ETNK1: variants seen among roughly 807,000 people sequenced by gnomAD.
ETNK1 encodes the protein putative protein product of Nbla10396.
ETNK1 carries 8 observed loss-of-function variants against 45.1 expected under a neutral mutation model. The ratio of observed to expected loss-of-function variants is 0.18; its 90% CI spans 0.10 to 0.32. The LOEUF is 0.32. Ranked by LOEUF, ETNK1 falls within the 10% of genes least tolerant of loss-of-function variation. The pLI is 1.00. For missense variants in ETNK1, 302 were observed against 430.6 expected, an observed-to-expected ratio of 0.70 and a Z score of 2.64; for synonymous variants, 152 against 151.9, an observed-to-expected ratio of 1.00 and a Z score of -0.01.
At chr12:22,669,326 TA>T (rs1236741500) in intron 4 of ETNK1, among the ~76,000 whole-genome samples, 9 of 130,952 alleles carry the variant, frequency 6.9e-5, no homozygotes, top group African/African-American at 2.2e-4. Flanking sequence ...AATTTTAAAA[TA>T]AAAAAATAAA....
Position 22,690,483 on chromosome 12 carries a change from A to G in ETNK1, c.*5529A>G, listed in dbSNP as rs970792737. The G allele has an allele frequency of 2.0e-5, 3 of 152,570 alleles. No homozygotes were observed. The highest frequency in any genetic ancestry group is 6.5e-5 in the Admixed American group (1 of 15,272). 9.5% of individuals were successfully genotyped at this position (152,570 alleles called of 1,614,324 possible). Reference sequence around the variant, plus strand: ...GGTTAAGTAAAAATACATTTTCACTATGTGTTCATAAACTTTTAATGAAGC... The same window carrying G: ...GGTTAAGTAAAAATACATTTTCACTGTGTGTTCATAAACTTTTAATGAAGC... On this transcript the variant is annotated 3_prime_UTR_variant, in exon 8 of 8. Transcript: ENST00000266517.
intron 6 of ETNK1, among the ~76,000 whole-genome samples, chr12:22,683,926 A>G (rs1162068922): frequency 6.6e-6 from 1 of 152,060 alleles, no homozygotes; most frequent in Non-Finnish European, 1.5e-5. Context: ...TTACATGCTA[A>G]TTTCCCTGTA....
chr12:22,627,876 A>T (rs892110045), intron 1 of ETNK1, among the ~76,000 whole-genome samples: 3 of 152,118 alleles, frequency 2.0e-5, no homozygotes, highest in Non-Finnish European at 4.4e-5. Flanking sequence ...TATCCAGAGC[A>T]TATCAGAAAA....
At chr12:22,659,530 CTG>C (rs1040934552) in intron 3 of ETNK1, among the ~76,000 whole-genome samples, 9 of 152,168 alleles carry the variant, frequency 5.9e-5, no homozygotes, top group African/African-American at 2.2e-4. Flanking sequence ...TGGAGCCAAA[CTG>C]AGATTAAATC....
chr12:22,677,574 G>A (rs141526719), intron 6 of ETNK1, among the ~76,000 whole-genome samples: 2,878 of 152,274 alleles, frequency 0.019, 81 homozygotes, highest in Non-Finnish European at 0.02. Context: ...GATGGGAATA[G>A]CATTGAATCT....
intron 1 of ETNK1, 178 bp downstream of exon 1, chr12:22,625,764 C>T (rs527440406): frequency 1.0e-5 from 10 of 954,268 alleles, no homozygotes; most frequent in African/African-American, 8.1e-5. Context: ...TCCCCCTTCC[C>T]GTCGCAGTTG....
chr12:22,636,367 A>C (rs1953655486), intron 1 of ETNK1, among the ~76,000 whole-genome samples: 1 of 152,168 alleles, frequency 6.6e-6, no homozygotes, highest in African/African-American at 2.4e-5. Flanking sequence ...GGTGTGCTCA[A>C]ATTTCCAACA....
chr12:22,654,460 A>C (rs12322145), intron 2 of ETNK1, among the ~76,000 whole-genome samples: 7,083 of 152,248 alleles, frequency 0.047, 536 homozygotes, highest in African/African-American at 0.16. Flanking sequence ...AGTACATGAG[A>C]TTATTAAAAA....
intron 6 of ETNK1, among the ~76,000 whole-genome samples, chr12:22,679,268 G>GT (rs1362185611): frequency 6.6e-6 from 1 of 152,190 alleles, no homozygotes; most frequent in Non-Finnish European, 1.5e-5. Flanking sequence ...AACCACTGGC[G>GT]TTTAAGTCCA....
intron 2 of ETNK1, chr12:22,656,632 G>A: frequency 3.0e-6 from 3 of 985,304 alleles, no homozygotes; most frequent in Non-Finnish European, 3.6e-6. Flanking sequence ...ATCCAGCATG[G>A]AGCAGACGAG....
Position 22,685,017 on chromosome 12 carries a change from C to A in ETNK1, c.*63C>A. On this transcript the variant is annotated 3_prime_UTR_variant, in exon 8 of 8. Transcript: ENST00000266517. ...CTTGTGAATCTTTTCTTAAGAAATCCCAAAAAGCCAATATTAGTTAAAATT... is the reference window on the plus strand; with the variant it reads ...CTTGTGAATCTTTTCTTAAGAAATCACAAAAAGCCAATATTAGTTAAAATT... The A allele has an allele frequency of 8.3e-7, 1 of 1,207,190 alleles. No homozygotes were observed. The highest frequency in any genetic ancestry group is 1.2e-6 in the Non-Finnish European group (1 of 849,806). The allele number at this position is 1,207,190 out of a possible 1,614,324, so 74.8% of individuals were successfully genotyped here.
intron 4 of ETNK1, among the ~76,000 whole-genome samples, chr12:22,662,242 A>ATTTT (rs774396641): frequency 1.4e-5 from 1 of 73,412 alleles, no homozygotes; most frequent in Non-Finnish European, 2.8e-5. Flanking sequence ...TAATTTTTGT[A>ATTTT]TTTTTTTTTT....
intron 1 of ETNK1, among the ~76,000 whole-genome samples, chr12:22,643,036 A>T (rs1953758298): frequency 6.6e-6 from 1 of 152,044 alleles, no homozygotes; most frequent in South Asian, 2.1e-4. Context: ...AAAATACCAT[A>T]GAAATCTCTA....
intron 1 of ETNK1, among the ~76,000 whole-genome samples, chr12:22,639,117 A>G (rs1050628643): frequency 1.3e-5 from 2 of 152,148 alleles, no homozygotes; most frequent in African/African-American, 4.8e-5. Context: ...ACTGTATGCT[A>G]TTGACTATTT....
At chr12:22,641,388 G>A (rs1344580568) in intron 1 of ETNK1, among the ~76,000 whole-genome samples, 1 of 152,116 alleles carries the variant, frequency 6.6e-6, no homozygotes, top group South Asian at 2.1e-4. Flanking sequence ...GGATAAGGAG[G>A]TATTTGGTAA....
chr12:22,675,254 C>G (rs972852300), intron 6 of ETNK1, among the ~76,000 whole-genome samples: 1 of 150,188 alleles, frequency 6.7e-6, no homozygotes, highest in Non-Finnish European at 1.5e-5. Context: ...GATGAGGTCT[C>G]TCTATATTGC....
chr12:22,690,028 AT>A lies in ETNK1; in HGVS notation c.*5077del, dbSNP rs1484389595. On this transcript the variant is annotated 3_prime_UTR_variant, in exon 8 of 8. Coordinates refer to ENST00000266517, the MANE Select transcript of ETNK1 (RefSeq NM_018638.5). ...CATTATTCCATGTGCTTAAATGATA[AT>A]TTCCTTATTCAGTTTCAGAAGAAAA... is the stretch of plus-strand genomic sequence containing the variant. 12 of 152,568 alleles carry A rather than the reference AT, an allele frequency of 7.9e-5. No individual in the cohort carries two copies. The East Asian group carries it at 9.6e-4, about 12-fold the overall frequency. 9.5% of individuals were successfully genotyped at this position (152,568 alleles called of 1,614,324 possible).
At chr12:22,636,138 G>A (rs1483125739) in intron 1 of ETNK1, among the ~76,000 whole-genome samples, 2 of 152,126 alleles carry the variant, frequency 1.3e-5, no homozygotes, top group African/African-American at 4.8e-5. Context: ...ACTGCAGCCT[G>A]GGTGAACAGA....
intron 3 of ETNK1, among the ~76,000 whole-genome samples, chr12:22,659,949 T>C (rs1162949377): frequency 6.6e-6 from 1 of 151,958 alleles, no homozygotes; most frequent in Non-Finnish European, 1.5e-5. Flanking sequence ...AAATACATTT[T>C]GTATTTCTTT....
Sources: allele counts gnomAD v4.1 joint callset (sites outside exome capture counted in the v4.1 genomes callset), GRCh38; gene constraint gnomAD v4.1.1; transcripts MANE v1.5; gene names NCBI Gene and HGNC (gene_info 2026-07-23, HGNC 2026-07-21).